DACH2: variants seen among roughly 807,000 people sequenced by gnomAD.
DACH2 encodes the protein dachshund family transcription factor 2, also known as dachshund homolog 2.
In DACH2, 17 loss-of-function variants were observed where a neutral mutation model predicts 35.8. That is an observed-to-expected ratio of 0.48 (90% CI 0.33 to 0.71). The LOEUF (loss-of-function observed/expected upper bound fraction) is 0.71, where lower values mean the gene tolerates loss of function less well. Among genes scored for constraint, DACH2 ranks in the 30% least tolerant of loss-of-function variants. The pLI, the probability that DACH2 is intolerant of heterozygous loss-of-function variation, is 0.02. For synonymous variants in DACH2, 195 were observed against 177.3 expected (o/e 1.10, Z -0.79); for missense variants, 469 against 472.7 (o/e 0.99, Z 0.07).
At chrX:86,797,909 C>A (rs1038755357) in intron 7 of DACH2, among the ~76,000 whole-genome samples, 3 of 111,840 alleles carry the variant, frequency 2.7e-5, no homozygotes, top group African/African-American at 6.5e-5. Flanking sequence ...CCACACTTAA[C>A]TTTTCCCATC....
chrX:86,495,944 G>A (rs998497839), intron 2 of DACH2, among the ~76,000 whole-genome samples: 3 of 111,041 alleles, frequency 2.7e-5, no homozygotes, highest in Non-Finnish European at 5.7e-5. Flanking sequence ...ATAATATACC[G>A]AAGATGTAGG....
At chrX:86,205,334 T>G (rs1376790532) in intron 1 of DACH2, among the ~76,000 whole-genome samples, 6 of 109,261 alleles carry the variant, frequency 5.5e-5, no homozygotes, top group African/African-American at 2.0e-4. Context: ...CCCTCCAGAA[T>G]AAGAAGCTTT....
At chrX:86,364,224 G>A (rs776284739) in intron 1 of DACH2, among the ~76,000 whole-genome samples, 89 of 111,421 alleles carry the variant, frequency 8.0e-4, no homozygotes, top group African/African-American at 2.8e-3. Flanking sequence ...TTGTGAGAAT[G>A]GCAAAAATGT....
At chrX:86,481,012 C>T (rs193033637) in intron 2 of DACH2, 5 of 111,981 alleles carry the variant, frequency 4.5e-5, no homozygotes, top group East Asian at 2.8e-4. Flanking sequence ...CAAATTTTCA[C>T]GTTAGTTTTT....
chrX:86,594,996 A>G, intron 3 of DACH2, among the ~76,000 whole-genome samples: 1 of 111,910 alleles, frequency 8.9e-6, no homozygotes, highest in Non-Finnish European at 1.9e-5. Flanking sequence ...ATGTTTTCAT[A>G]GCAAATTGAC....
In DACH2 at chrX:86,683,038, C is replaced by T. The variant is rs769828009; in HGVS notation, c.773-11983C>T. ...ATAGATTTCTGTGAATTTGAGTCTG[C>T]GAGTTTTATCTTTATTTGGGTAAAA... On this transcript the variant is annotated intron_variant, in intron 4 of 11. Coordinates refer to ENST00000373125, the MANE Select transcript of DACH2 (RefSeq NM_053281.3). 2.4e-3 allele frequency among the ~76,000 whole-genome samples: 270 copies of T among 111,090 alleles called. 2 individuals are homozygous for T. Among genetic ancestry groups the T allele is most frequent in the African/African-American group, 8.3e-3 (255 of 30,663 alleles).
At chrX:86,455,059 C>A (rs1388852649) in intron 2 of DACH2, among the ~76,000 whole-genome samples, 1 of 110,912 alleles carries the variant, frequency 9.0e-6, no homozygotes, top group Non-Finnish European at 1.9e-5. Flanking sequence ...TGGGGGTGCA[C>A]TTGAGACCCC....
chrX:86,243,775 C>G (rs2033219957), intron 1 of DACH2, among the ~76,000 whole-genome samples: 1 of 111,561 alleles, frequency 9.0e-6, no homozygotes, highest in African/African-American at 3.3e-5. Context: ...TAAATCAGAT[C>G]AATGTTTGTG....
At position 86,374,221 on chromosome X, in the gene DACH2, G is replaced by C. The variant is rs2035931305; in HGVS notation, c.489-2603G>C. Among the ~76,000 whole-genome samples, 2 of 111,229 alleles carry C rather than the reference G, an allele frequency of 1.8e-5. 1 individual carries two copies. The highest frequency in any genetic ancestry group is 6.5e-5 in the African/African-American group (2 of 30,722). ...ATGAGCATGCTGGGTAGCAATCACT[G>C]TCGTTAACTTTGTTGAGCTTCACAT... On this transcript the variant is annotated intron_variant, in intron 1 of 11. Transcript: ENST00000373125.
chrX:86,529,162 G>T lies in DACH2; in HGVS notation c.640+14771G>T, dbSNP rs190227910. On this transcript the variant is annotated intron_variant, in intron 3 of 11. Coordinates refer to ENST00000373125, the MANE Select transcript of DACH2 (RefSeq NM_053281.3). ...TGGGCTCAAGTGATCTTCTCACTTT[G>T]CCTCTGCAGTAGCTAGGACTATAGG... Among the ~76,000 whole-genome samples, 45 of 111,589 alleles carry T rather than the reference G, an allele frequency of 4.0e-4. 1 individual carries two copies. The East Asian group carries it at 0.013, about 31-fold the overall frequency.
At chrX:86,275,199 G>T (rs928193983) in intron 1 of DACH2, among the ~76,000 whole-genome samples, 30 of 111,766 alleles carry the variant, frequency 2.7e-4, no homozygotes, top group African/African-American at 8.8e-4. Context: ...ACTACAAGGG[G>T]TTTATGCCAC....
intron 1 of DACH2, among the ~76,000 whole-genome samples, chrX:86,215,034 G>A (rs1391526419): frequency 1.8e-5 from 2 of 111,421 alleles, no homozygotes; most frequent in African/African-American, 6.5e-5. Flanking sequence ...TCTCCCCTTT[G>A]TCTGTCTTAT....
At chrX:86,315,788 G>GACACACACACAC in intron 1 of DACH2, among the ~76,000 whole-genome samples, 1 of 78,502 alleles carries the variant, frequency 1.3e-5, no homozygotes, top group Non-Finnish European at 2.4e-5. Flanking sequence ...GAGGGTCGTG[G>GACACACACACAC]ACACACACAC....
intron 2 of DACH2, among the ~76,000 whole-genome samples, chrX:86,476,528 T>A (rs2037845883): frequency 9.0e-6 from 1 of 111,651 alleles, no homozygotes; most frequent in South Asian, 3.7e-4. Context: ...TTTATTTGGA[T>A]CTTGTCTCTT....
chrX:86,441,479 CTGTGTG>C (rs61396163), intron 2 of DACH2, among the ~76,000 whole-genome samples: 1,538 of 95,334 alleles, frequency 0.016, 28 homozygotes, highest in African/African-American at 0.051. Flanking sequence ...AAGTATTCCA[CTGTGTG>C]TGTGTGTGTG....
At chrX:86,409,707 T>C (rs1350576960) in intron 2 of DACH2, among the ~76,000 whole-genome samples, 1 of 111,830 alleles carries the variant, frequency 8.9e-6, no homozygotes, top group Admixed American at 9.5e-5. Flanking sequence ...GTTTATAAAT[T>C]ACCCAGTCTC....
chrX:86,384,044 T>C (rs746371771), intron 2 of DACH2, among the ~76,000 whole-genome samples: 3 of 111,118 alleles, frequency 2.7e-5, no homozygotes, highest in African/African-American at 9.8e-5. Context: ...GTGAAGTCTG[T>C]CGTTTCTTTT....
In DACH2 at chrX:86,206,547, G is replaced by A. The variant is rs370411455; in HGVS notation, c.488+57439G>A. ...ATACAAATGTATTCATTTGACTTAT[G>A]AGGAAGGCGTCATGATACAATAGAA... On this transcript the variant is annotated intron_variant, in intron 1 of 11. Transcript: ENST00000373125. 3.6e-5 allele frequency among the ~76,000 whole-genome samples: 4 copies of A among 112,193 alleles called. No homozygotes were observed. In the South Asian group the frequency reaches 1.5e-3, roughly 41 times the overall value.
intron 1 of DACH2, among the ~76,000 whole-genome samples, chrX:86,367,369 A>C (rs1367771800): frequency 9.0e-6 from 1 of 111,687 alleles, no homozygotes; most frequent in Non-Finnish European, 1.9e-5. Flanking sequence ...TTTCTGAAAC[A>C]TAGAAGAGAA....
Sources: allele counts gnomAD v4.1 joint callset (sites outside exome capture counted in the v4.1 genomes callset), GRCh38; gene constraint gnomAD v4.1.1; transcripts MANE v1.5; gene names NCBI Gene and HGNC (gene_info 2026-07-23, HGNC 2026-07-21).